The following ZFAND4 variants were observed in gnomAD, a reference collection of about 807,000 sequenced individuals.
ZFAND4 encodes the protein zinc finger AN1-type containing 4, also known as AN1-type zinc finger protein 4.
ZFAND4 carries 43 observed loss-of-function variants against 64.4 expected under a neutral mutation model. That is an observed-to-expected ratio of 0.67 (90% confidence interval 0.52 to 0.86). The LOEUF (loss-of-function observed/expected upper bound fraction) is 0.86, where lower values mean the gene tolerates loss of function less well. Among genes scored for constraint, ZFAND4 ranks in the 40% least tolerant of loss-of-function variants. The pLI, the probability that ZFAND4 is intolerant of heterozygous loss-of-function variation, is 0.00. For missense variants in ZFAND4, 929 were observed against 859.8 expected (o/e 1.08, Z -1.01); for synonymous variants, 296 against 305.7 (o/e 0.97, Z 0.33).
At chr10:45,636,636 C>CAA (rs1011135218) in intron 6 of ZFAND4, among the ~76,000 whole-genome samples, 2 of 120,314 alleles carry the variant, frequency 1.7e-5, no homozygotes, top group African/African-American at 3.1e-5. Context: ...GATTCTGTCT[C>CAA]AAAAAAAAAA....
Position 45,616,100 on chromosome 10 carries a change from G to C in ZFAND4, c.*336C>G. The C allele has an allele frequency of 4.2e-6, 1 of 238,016 alleles. No individual in the cohort carries two copies. Among genetic ancestry groups the C allele is most frequent in the Non-Finnish European group, 8.2e-6 (1 of 121,682 alleles). 14.7% of individuals were successfully genotyped at this position (238,016 alleles called of 1,614,324 possible). ...CTCATTCTGTACAATGTGGAAGCCT[G>C]GTTATTTAGGAAATATTTCGTTTCC... On this transcript the variant is annotated 3_prime_UTR_variant, in exon 10 of 10. Coordinates refer to ENST00000344646, the MANE Select transcript of ZFAND4 (RefSeq NM_174890.4).
intron 6 of ZFAND4, among the ~76,000 whole-genome samples, chr10:45,634,055 C>T (rs994531723): frequency 1.3e-5 from 2 of 151,990 alleles, no homozygotes; most frequent in Non-Finnish European, 2.9e-5. Flanking sequence ...GTAACTGTAT[C>T]ATAATCATGT....
At chr10:45,629,084 G>A (rs944079347) in intron 6 of ZFAND4, among the ~76,000 whole-genome samples, 1 of 151,826 alleles carries the variant, frequency 6.6e-6, no homozygotes, top group African/African-American at 2.4e-5. Flanking sequence ...TTATTTTTAT[G>A]TGTATTTTTT....
chr10:45,623,975 C>A (rs867945267), intron 8 of ZFAND4, among the ~76,000 whole-genome samples: 1 of 152,144 alleles, frequency 6.6e-6, no homozygotes, highest in Non-Finnish European at 1.5e-5. Context: ...TCTTTGGTAA[C>A]GAGTTTCCCA....
intron 8 of ZFAND4, among the ~76,000 whole-genome samples, chr10:45,624,289 C>A (rs1251663960): frequency 1.3e-5 from 2 of 152,222 alleles, no homozygotes. Flanking sequence ...TGGCCAGCAA[C>A]TAAGGTGGTT....
chr10:45,631,573 G>T lies in ZFAND4; in HGVS notation c.718-4468C>A, dbSNP rs1197603651. Among the ~76,000 whole-genome samples the T allele has an allele frequency of 2.6e-5, 4 of 151,872 alleles. No homozygotes were observed. In the East Asian group the frequency reaches 5.8e-4, roughly 22 times the overall value. On this transcript the variant is annotated intron_variant, in intron 6 of 9. Transcript: ENST00000344646. ...AAAACCAAATCATTTACAGAGAAAA[G>T]AAAGATTGGTAATTAGATTTCTCAA... is the stretch of plus-strand genomic sequence containing the variant.
intron 8 of ZFAND4, among the ~76,000 whole-genome samples, chr10:45,623,618 G>A (rs1373671902): frequency 6.6e-6 from 1 of 152,154 alleles, no homozygotes. Context: ...ATTGAATTAG[G>A]AAATGAAATG....
chr10:45,659,944 G>A (rs767206780), intron 2 of ZFAND4, among the ~76,000 whole-genome samples: 6 of 152,198 alleles, frequency 3.9e-5, no homozygotes, highest in South Asian at 2.1e-4. Flanking sequence ...TTGGGAGGCC[G>A]AGACAGGCGG....
At chr10:45,635,671 C>T (rs554202869) in intron 6 of ZFAND4, among the ~76,000 whole-genome samples, 1 of 152,214 alleles carries the variant, frequency 6.6e-6, no homozygotes, top group East Asian at 1.9e-4. Flanking sequence ...TCCAAGTATA[C>T]ATTGAGGAAT....
chr10:45,618,669 C>T (rs570810929), intron 8 of ZFAND4, among the ~76,000 whole-genome samples: 1 of 152,240 alleles, frequency 6.6e-6, no homozygotes, highest in Non-Finnish European at 1.5e-5. Flanking sequence ...AAAGAAGTAC[C>T]AGAATATCAT....
intron 9 of ZFAND4, among the ~76,000 whole-genome samples, chr10:45,616,806 C>T (rs572685372): frequency 2.4e-3 from 361 of 152,222 alleles, no homozygotes; most frequent in Middle Eastern, 6.8e-3. Context: ...TTGACTGAAA[C>T]AGGGTAGACC....
At chr10:45,646,613 GT>G (rs1564604980) in intron 5 of ZFAND4, among the ~76,000 whole-genome samples, 2 of 152,132 alleles carry the variant, frequency 1.3e-5, no homozygotes, top group Admixed American at 1.3e-4. Flanking sequence ...AGAAAATGAC[GT>G]TTCAAGCAAA....
intron 2 of ZFAND4, among the ~76,000 whole-genome samples, chr10:45,660,075 TG>T (rs1367274554): frequency 6.8e-6 from 1 of 146,098 alleles, no homozygotes; most frequent in Non-Finnish European, 1.5e-5. Flanking sequence ...GGCAGGAGAA[TG>T]GCGTGAACCC....
At chr10:45,629,848 G>A (rs1048134432) in intron 6 of ZFAND4, among the ~76,000 whole-genome samples, 1 of 152,012 alleles carries the variant, frequency 6.6e-6, no homozygotes, top group African/African-American at 2.4e-5. Context: ...GGATGATAGA[G>A]CAAGACCCCA....
chr10:45,647,925 T>C (rs2047500446), intron 5 of ZFAND4, among the ~76,000 whole-genome samples: 1 of 152,196 alleles, frequency 6.6e-6, no homozygotes. Flanking sequence ...CTCCCTTTTA[T>C]AGAGTAGGAA....
intron 2 of ZFAND4, among the ~76,000 whole-genome samples, chr10:45,658,511 T>C (rs1004864178): frequency 3.3e-5 from 5 of 152,234 alleles, no homozygotes; most frequent in African/African-American, 4.8e-5. Flanking sequence ...GTGAATTGTA[T>C]GATATGTAAA....
intron 1 of ZFAND4, among the ~76,000 whole-genome samples, chr10:45,666,646 G>A (rs1183613308): frequency 6.6e-6 from 1 of 152,122 alleles, no homozygotes; most frequent in African/African-American, 2.4e-5. Context: ...TGTAGTTTTA[G>A]CTCTTATGTT....
intron 5 of ZFAND4, among the ~76,000 whole-genome samples, chr10:45,645,322 T>G (rs112909171): frequency 0.06 from 9,077 of 152,234 alleles, 383 homozygotes; most frequent in African/African-American, 0.12. Flanking sequence ...CATCAGCAGG[T>G]ATTTCATGGT....
At chr10:45,619,139 A>T (rs1023875063) in intron 8 of ZFAND4, among the ~76,000 whole-genome samples, 1 of 151,968 alleles carries the variant, frequency 6.6e-6, no homozygotes. Context: ...CTTGGGTTCA[A>T]GTGGTTCTTC....
Sources: allele counts gnomAD v4.1 joint callset (sites outside exome capture counted in the v4.1 genomes callset), GRCh38; gene constraint gnomAD v4.1.1; transcripts MANE v1.5; gene names NCBI Gene and HGNC (gene_info 2026-07-23, HGNC 2026-07-21).